The following HPS3 variants were observed in gnomAD, a reference collection of about 807,000 sequenced individuals.
HPS3 encodes HPS3 biogenesis of lysosomal organelles complex 2 subunit 1.
A neutral mutation model predicts 110.9 loss-of-function variants in HPS3; 79 were observed. The ratio of observed to expected loss-of-function variants is 0.71; its 90% CI spans 0.59 to 0.86. The LOEUF is 0.86. HPS3 is among the 40% of genes least tolerant of loss of function. The pLI, the probability that HPS3 is intolerant of heterozygous loss-of-function variation, is 0.00. For missense variants in HPS3, 1,197 were observed against 1,206.2 expected, an observed-to-expected ratio of 0.99 and a Z score of 0.11; for synonymous variants, 428 against 451.0, an observed-to-expected ratio of 0.95 and a Z score of 0.65.
In HPS3 at chr3:149,133,430, C is replaced by A. The variant is rs529311768; in HGVS notation, c.217+3490C>A. ...TTCCCAGCCTCAGCCTCCCAAGTAG[C>A]TGGGGTTACAGGCATGCGCTACCAC... On this transcript the variant is annotated intron_variant, in intron 1 of 16. Transcript: ENST00000296051. Among the ~76,000 whole-genome samples the A allele has an allele frequency of 2.4e-4, 36 of 152,170 alleles. 1 individual carries two copies. The South Asian group carries it at 5.8e-3, about 25-fold the overall frequency.
At chr3:149,151,634 T>C (rs1171247178) in intron 6 of HPS3, among the ~76,000 whole-genome samples, 2 of 97,674 alleles carry the variant, frequency 2.0e-5, no homozygotes, top group Non-Finnish European at 4.2e-5. Context: ...GACCACAGAA[T>C]AAATGTAGGC....
intron 2 of HPS3, 86 bp from the exon 3 acceptor site, chr3:149,140,926 TAAATG>T: frequency 8.4e-7 from 1 of 1,186,348 alleles, no homozygotes. Flanking sequence ...ATATTATAAA[TAAATG>T]AAATTACTAT....
chr3:149,143,972 T>C (rs1322747197), intron 4 of HPS3, among the ~76,000 whole-genome samples: 2 of 152,226 alleles, frequency 1.3e-5, no homozygotes, highest in Admixed American at 1.3e-4. Flanking sequence ...TGCTCCATGC[T>C]ACATTATTTT....
At chr3:149,134,657 A>T (rs528262711) in intron 1 of HPS3, among the ~76,000 whole-genome samples, 1 of 152,314 alleles carries the variant, frequency 6.6e-6, no homozygotes, top group Non-Finnish European at 1.5e-5. Context: ...TGAGTCAGAT[A>T]TTTAATCAGG....
intron 1 of HPS3, among the ~76,000 whole-genome samples, chr3:149,138,279 G>C (rs950334677): frequency 6.6e-6 from 1 of 152,180 alleles, no homozygotes; most frequent in Non-Finnish European, 1.5e-5. Context: ...GGCAGCACCT[G>C]TTTGCTTGCC....
At chr3:149,165,605 G>A (rs1408220604) in intron 14 of HPS3, among the ~76,000 whole-genome samples, 1 of 152,044 alleles carries the variant, frequency 6.6e-6, no homozygotes, top group Non-Finnish European at 1.5e-5. Context: ...GGTTCCCAAA[G>A]TTCTGGGATT....
intron 13 of HPS3, 69 bp from the exon 14 acceptor site, chr3:149,163,773 T>A: frequency 1.2e-6 from 1 of 838,660 alleles, no homozygotes; most frequent in African/African-American, 1.7e-5. Flanking sequence ...ATTGCTTTGC[T>A]CTTTGTGGAA....
chr3:149,160,674 G>A (rs934572924), intron 11 of HPS3, among the ~76,000 whole-genome samples: 28 of 152,318 alleles, frequency 1.8e-4, no homozygotes, highest in African/African-American at 6.5e-4. Context: ...TCTAGTAGTT[G>A]CAGAAATAGC....
At chr3:149,135,228 AT>A (rs1722018166) in intron 1 of HPS3, among the ~76,000 whole-genome samples, 1 of 152,216 alleles carries the variant, frequency 6.6e-6, no homozygotes, top group African/African-American at 2.4e-5. Flanking sequence ...GCAGGTAGAA[AT>A]TTTGAAGGAT....
At position 149,173,475 on chromosome 3, in the gene HPS3, T is replaced by A; in HGVS notation, c.*1253T>A. The A allele has an allele frequency of 2.8e-6, 1 of 360,074 alleles. No homozygotes were observed. The allele number at this position is 360,074 out of a possible 1,614,324, so 22.3% of individuals were successfully genotyped here. A position where few individuals can be genotyped will look rare whatever the true frequency, so the allele number is the denominator to read the frequency against. ...ACAGCGGTGATATCATTAGACTGTA[T>A]GAATCAGTTTTATTACCTAGTGTAC... On this transcript the variant is annotated 3_prime_UTR_variant, in exon 17 of 17. Transcript: ENST00000296051.
intron 7 of HPS3, chr3:149,154,213 T>C (rs6791534): frequency 0.46 from 70,152 of 152,702 alleles, 16,319 homozygotes; most frequent in South Asian, 0.58. Flanking sequence ...CTAGTTATGC[T>C]TCTATTTGAT....
In HPS3 at chr3:149,162,845, T is replaced by A; in HGVS notation, c.2448T>A (p.Pro816=). Residue 816 remains proline, a synonymous_variant, in exon 13 of 17, where the codon CCT becomes CCA. Transcript: ENST00000296051. ...YIWRLSKRQP[P]DTTPLRTSED... is the part of the protein sequence containing the mutation. Reference sequence around the variant, plus strand: ...GGAGATTGTCTAAGAGGCAGCCTCCTGACACCACACCATTGCGAACATCGG... The same window carrying A: ...GGAGATTGTCTAAGAGGCAGCCTCCAGACACCACACCATTGCGAACATCGG... 2 of 1,613,998 alleles carry A rather than the reference T, an allele frequency of 1.2e-6. No homozygotes were observed. The highest frequency in any genetic ancestry group is 4.5e-5 in the East Asian group (2 of 44,870).
At chr3:149,151,332 C>T (rs1420513372) in intron 6 of HPS3, among the ~76,000 whole-genome samples, 4 of 151,616 alleles carry the variant, frequency 2.6e-5, no homozygotes, top group Non-Finnish European at 4.4e-5. Flanking sequence ...CATGCCTGGC[C>T]CAATTGTATT....
chr3:149,145,014 G>T (rs1170959888), intron 4 of HPS3, among the ~76,000 whole-genome samples: 2 of 151,934 alleles, frequency 1.3e-5, no homozygotes, highest in Non-Finnish European at 2.9e-5. Flanking sequence ...CAACATTGCT[G>T]GTCTATACTC....
chr3:149,162,133 C>A lies in HPS3; in HGVS notation c.2107-15C>A, dbSNP rs777599532. ...CAATGTACCTTTTGTTCCTAAATTT[C>A]TTTCTTATCTGAAGATGAAGTTGGT... On this transcript the variant is annotated splice_polypyrimidine_tract_variant and intron_variant, in intron 11 of 16. Coordinates refer to ENST00000296051, the MANE Select transcript of HPS3 (RefSeq NM_032383.5). 3.7e-6 allele frequency: 6 copies of A among 1,610,420 alleles called. No individual in the cohort carries two copies. The African/African-American group carries it at 5.3e-5, about 14-fold the overall frequency.
chr3:149,144,622 C>T (rs1050163698), intron 4 of HPS3, among the ~76,000 whole-genome samples: 4 of 152,038 alleles, frequency 2.6e-5, no homozygotes, highest in Non-Finnish European at 5.9e-5. Flanking sequence ...GTAAAATTTC[C>T]AACAATCTGA....
rs1559923620 is a variant in HPS3, at chr3:149,162,873, G to T, written c.2476G>T (p.Asp826Tyr). 6.2e-7 allele frequency: 1 copy of T among 1,612,344 alleles called. No homozygotes were observed. The highest frequency in any genetic ancestry group is 1.1e-5 in the South Asian group (1 of 91,048). Reference protein sequence around the residue: ...PDTTPLRTSEDLINACSHYGL... With the variant: ...PDTTPLRTSEYLINACSHYGL... ...CACCACACCATTGCGAACATCGGAG[G>T]ATCTGGTAAGATAATGGAATAATAC... Residue 826 changes from aspartate (D) to tyrosine (Y), a missense_variant, in exon 13 of 17, where the codon GAT becomes TAT. Coordinates refer to ENST00000296051, the MANE Select transcript of HPS3 (RefSeq NM_032383.5).
chr3:149,171,308 C>T (rs1332892051), intron 16 of HPS3, among the ~76,000 whole-genome samples: 1 of 152,082 alleles, frequency 6.6e-6, no homozygotes, highest in African/African-American at 2.4e-5. Context: ...CATTAGAACA[C>T]CATTGCAGTT....
chr3:149,154,997 T>A, intron 7 of HPS3, 110 bp from the exon 8 acceptor site: 1 of 716,140 alleles, frequency 1.4e-6, no homozygotes, highest in Non-Finnish European at 2.5e-6. Context: ...CTGAGGAAAA[T>A]AGTAAATGAA....
Sources: gnomAD v4.1 joint callset for allele counts (sites outside exome capture counted in the v4.1 genomes callset) on GRCh38, gnomAD v4.1.1 for gene constraint, MANE v1.5 for transcripts, NCBI Gene and HGNC (gene_info 2026-07-23, HGNC 2026-07-21) for gene names.